Variants in EIF3H observed in about 807,000 individuals in gnomAD.
EIF3H encodes the protein eukaryotic translation initiation factor 3 subunit H, also known as eIF-3-gamma.
Under a neutral mutation model 44.2 loss-of-function variants are expected in EIF3H, and 26 were observed. That is an observed-to-expected ratio of 0.59 (90% CI 0.43 to 0.82). EIF3H has a LOEUF of 0.82. Ranked by LOEUF, EIF3H falls within the 40% of genes least tolerant of loss-of-function variation. The pLI is 0.00. For synonymous variants in EIF3H, 166 were observed against 151.9 expected (o/e 1.09, Z -0.68); for missense variants, 359 against 432.8 (o/e 0.83, Z 1.51).
At chr8:116,726,392 A>G (rs778847345) in intron 1 of EIF3H, among the ~76,000 whole-genome samples, 2 of 152,178 alleles carry the variant, frequency 1.3e-5, no homozygotes, top group Admixed American at 1.3e-4. Context: ...GTTTGATTAC[A>G]TGTCAAAAAC....
intron 2 of EIF3H, among the ~76,000 whole-genome samples, chr8:116,670,313 G>A (rs763483532): frequency 4.6e-5 from 7 of 152,194 alleles, no homozygotes; most frequent in Non-Finnish European, 1.0e-4. Flanking sequence ...GGCTAGGTGT[G>A]AGGCAGTTAT....
At chr8:116,709,369 C>T (rs1404103967) in intron 2 of EIF3H, among the ~76,000 whole-genome samples, 1 of 152,120 alleles carries the variant, frequency 6.6e-6, no homozygotes, top group Non-Finnish European at 1.5e-5. Context: ...CAGAAACCAT[C>T]GTGGCTTTGT....
chr8:116,721,114 G>T (rs1283873538), intron 2 of EIF3H, among the ~76,000 whole-genome samples: 1 of 152,158 alleles, frequency 6.6e-6, no homozygotes, highest in Non-Finnish European at 1.5e-5. Flanking sequence ...CAGGCCTAGA[G>T]GCCTAGGAGG....
At chr8:116,701,786 C>T (rs1424066388) in intron 2 of EIF3H, among the ~76,000 whole-genome samples, 1 of 152,128 alleles carries the variant, frequency 6.6e-6, no homozygotes, top group Admixed American at 6.6e-5. Flanking sequence ...AAGAAACAGA[C>T]TGGAACATAC....
Position 116,752,778 on chromosome 8 carries a change from AG to A in EIF3H, c.132+2887del, listed in dbSNP as rs1563663183. Among the ~76,000 whole-genome samples the A allele has an allele frequency of 9.5e-3, 515 of 54,148 alleles. 23 individuals are homozygous for A. The highest frequency in any genetic ancestry group is 0.014 in the Non-Finnish European group (354 of 24,658). The allele number at this position is 54,148 out of a possible 152,430, so 35.5% of individuals were successfully genotyped here. On this transcript the variant is annotated intron_variant, in intron 1 of 7. Coordinates refer to ENST00000521861, the MANE Select transcript of EIF3H (RefSeq NM_003756.3). ...GAGGGAGGGAGGGAGGGAGGGAGGG[AG>A]GGAGGGAGGGAGGGAGGGAAGGAAG...
intron 2 of EIF3H, among the ~76,000 whole-genome samples, chr8:116,671,058 C>T (rs1813744872): frequency 6.6e-6 from 1 of 152,238 alleles, no homozygotes; most frequent in African/African-American, 2.4e-5. Flanking sequence ...AATTGGCAAA[C>T]AGGCTCCTGC....
intron 1 of EIF3H, among the ~76,000 whole-genome samples, chr8:116,740,162 A>C (rs1242901521): frequency 4.6e-5 from 7 of 152,224 alleles, no homozygotes; most frequent in Admixed American, 4.6e-4. Context: ...AGAATCAGTA[A>C]CATTAAGCAC....
chr8:116,664,486 G>A (rs915195108), intron 2 of EIF3H, among the ~76,000 whole-genome samples: 2 of 152,152 alleles, frequency 1.3e-5, no homozygotes, highest in Admixed American at 1.3e-4. Context: ...GCAGAATAAC[G>A]AAACAGCATT....
At chr8:116,705,230 G>GAAT (rs1814447717) in intron 2 of EIF3H, among the ~76,000 whole-genome samples, 1 of 152,108 alleles carries the variant, frequency 6.6e-6, no homozygotes, top group East Asian at 1.9e-4. Flanking sequence ...TAAAGGCACA[G>GAAT]AATATATTTA....
chr8:116,750,156 G>A (rs191296734), intron 1 of EIF3H, among the ~76,000 whole-genome samples: 32 of 152,408 alleles, frequency 2.1e-4, no homozygotes, highest in Admixed American at 1.7e-3. Flanking sequence ...GACCTGGCAT[G>A]TGGTCGGCAA....
intron 1 of EIF3H, among the ~76,000 whole-genome samples, chr8:116,731,032 T>G (rs1814942233): frequency 6.6e-6 from 1 of 152,156 alleles, no homozygotes. Flanking sequence ...CCAAACTGAG[T>G]GCACCAAATA....
At chr8:116,760,961 T>G (rs1815513611) in intron 1 of EIF3H, among the ~76,000 whole-genome samples, 1 of 152,250 alleles carries the variant, frequency 6.6e-6, no homozygotes, top group Admixed American at 6.5e-5. Flanking sequence ...CCTAGAGTAA[T>G]TTTATAAAGA....
chr8:116,674,767 G>T (rs1160922160), intron 2 of EIF3H, among the ~76,000 whole-genome samples: 1 of 152,000 alleles, frequency 6.6e-6, no homozygotes, highest in Non-Finnish European at 1.5e-5. Context: ...ATATTTGTCA[G>T]TAACTCATAA....
chr8:116,665,300 A>G (rs922884110), intron 2 of EIF3H, among the ~76,000 whole-genome samples: 2 of 152,232 alleles, frequency 1.3e-5, no homozygotes, highest in African/African-American at 4.8e-5. Flanking sequence ...TAAAACCACC[A>G]AAGATTTTTA....
intron 1 of EIF3H, among the ~76,000 whole-genome samples, chr8:116,763,600 C>A (rs1190795106): frequency 1.3e-5 from 2 of 152,116 alleles, no homozygotes; most frequent in Non-Finnish European, 2.9e-5. Flanking sequence ...AGCGAAGAAC[C>A]TCATAGGACC....
chr8:116,752,665 G>GAAGAAAGAAAGAAGGA (rs1815360957), intron 1 of EIF3H, among the ~76,000 whole-genome samples: 3 of 62,554 alleles, frequency 4.8e-5, no homozygotes, highest in Non-Finnish European at 8.9e-5. Flanking sequence ...AGACAGAAAT[G>GAAGAAAGAAAGAAGGA]AAGAAAGAAA....
At chr8:116,727,761 G>T (rs1814871525) in intron 1 of EIF3H, among the ~76,000 whole-genome samples, 1 of 152,060 alleles carries the variant, frequency 6.6e-6, no homozygotes, top group Non-Finnish European at 1.5e-5. Flanking sequence ...TAGTAGAATT[G>T]TTTCCTAAAG....
In EIF3H at chr8:116,680,705, C is replaced by G. The variant is rs1286654746; in HGVS notation, c.290-21725G>C. Among the ~76,000 whole-genome samples, 4 of 139,278 alleles carry G rather than the reference C, an allele frequency of 2.9e-5. No individual in the cohort carries two copies. The East Asian group carries it at 8.3e-4, about 29-fold the overall frequency. 91.4% of individuals were successfully genotyped at this position (139,278 alleles called of 152,430 possible). On this transcript the variant is annotated intron_variant, in intron 2 of 7. Transcript: ENST00000521861. ...CAAACACTGCGGAAGGCCGCAGGGT[C>G]CTCTGCCTAGGAAAACCAGAGACCT...
chr8:116,743,891 A>AT (rs1563660061), intron 1 of EIF3H, among the ~76,000 whole-genome samples: 1 of 150,522 alleles, frequency 6.6e-6, no homozygotes, highest in East Asian at 1.9e-4. Flanking sequence ...TGTAATAGTG[A>AT]TTTTCCAAAG....
Sources: allele counts gnomAD v4.1 joint callset (sites outside exome capture counted in the v4.1 genomes callset), GRCh38; gene constraint gnomAD v4.1.1; transcripts MANE v1.5; gene names NCBI Gene and HGNC (gene_info 2026-07-23, HGNC 2026-07-21).